PIAS1: variants seen among roughly 807,000 people sequenced by gnomAD.
The protein encoded by PIAS1 is protein inhibitor of activated STAT 1.
A neutral mutation model predicts 71.3 loss-of-function variants in PIAS1; 6 were observed. The observed-to-expected ratio is 0.08, with a 90% CI of 0.05 to 0.17. The LOEUF is 0.17. PIAS1 is among the 10% of genes least tolerant of loss of function. PIAS1 has a pLI of 1.00. For synonymous variants in PIAS1, 303 were observed against 292.9 expected, an observed-to-expected ratio of 1.03 and a Z score of -0.35; for missense variants, 555 against 793.6, an observed-to-expected ratio of 0.70 and a Z score of 3.61.
intron 8 of PIAS1, 40 bp downstream of exon 8, chr15:68,164,844 A>AGAAAGTT: frequency 9.4e-7 from 1 of 1,067,188 alleles, no homozygotes. Flanking sequence ...AAAGTTTAAC[A>AGAAAGTT]TACATTTTCT....
At chr15:68,129,838 C>T (rs2092677503) in intron 2 of PIAS1, among the ~76,000 whole-genome samples, 1 of 147,680 alleles carries the variant, frequency 6.8e-6, no homozygotes, top group African/African-American at 2.5e-5. Flanking sequence ...CACACACACT[C>T]TTACATAGAT....
chr15:68,187,199 T>C lies in PIAS1; in HGVS notation c.1663-343T>C, dbSNP rs578116808. ...CTGATAGATTTCTTGGCTAAGTATCTCCTTACTAGCAAGAGCATGGACTGT... is the reference window on the plus strand; with the variant it reads ...CTGATAGATTTCTTGGCTAAGTATCCCCTTACTAGCAAGAGCATGGACTGT... On this transcript the variant is annotated intron_variant, in intron 13 of 13. Coordinates refer to ENST00000249636, the MANE Select transcript of PIAS1 (RefSeq NM_016166.3). The surrounding 1 kb of genome is among the most constrained non-coding windows in gnomAD (Gnocchi z 5.3). 5.3e-5 allele frequency among the ~76,000 whole-genome samples: 8 copies of C among 152,352 alleles called. No individual in the cohort carries two copies. The highest frequency in any genetic ancestry group is 1.0e-4 in the Non-Finnish European group (7 of 68,032).
At chr15:68,144,741 T>C (rs964713847) in intron 4 of PIAS1, among the ~76,000 whole-genome samples, 4 of 152,150 alleles carry the variant, frequency 2.6e-5, no homozygotes, top group Non-Finnish European at 5.9e-5. Flanking sequence ...CAGTAAATCT[T>C]AACTTTTTTA....
intron 2 of PIAS1, among the ~76,000 whole-genome samples, chr15:68,138,497 G>A (rs1453972542): frequency 2.0e-5 from 3 of 152,074 alleles, no homozygotes; most frequent in Admixed American, 6.5e-5. Context: ...TGAATGAGAC[G>A]GAGTTTCACT....
chr15:68,117,969 A>G (rs1348538601), intron 2 of PIAS1, among the ~76,000 whole-genome samples: 2 of 152,192 alleles, frequency 1.3e-5, no homozygotes, highest in East Asian at 3.8e-4. Context: ...CATTCCCACC[A>G]TCATTATGTT....
At chr15:68,061,413 A>G (rs1156522362) in intron 1 of PIAS1, 2 of 152,216 alleles carry the variant, frequency 1.3e-5, no homozygotes, top group African/African-American at 4.8e-5. Flanking sequence ...TCACATGAAA[A>G]GAAAATTCCC....
intron 11 of PIAS1, among the ~76,000 whole-genome samples, chr15:68,177,302 G>GA (rs1202037201): frequency 7.6e-5 from 8 of 105,152 alleles, no homozygotes; most frequent in African/African-American, 1.2e-4. Flanking sequence ...AAAAAAGAAA[G>GA]AAAAAATTTG....
At chr15:68,108,558 A>G (rs745543924) in intron 2 of PIAS1, among the ~76,000 whole-genome samples, 8 of 152,136 alleles carry the variant, frequency 5.3e-5, no homozygotes, top group Non-Finnish European at 8.8e-5. Flanking sequence ...CCCTAAATTT[A>G]TATCTCAAGA....
intron 8 of PIAS1, among the ~76,000 whole-genome samples, chr15:68,165,450 G>T (rs958327862): frequency 2.6e-5 from 4 of 152,132 alleles, no homozygotes; most frequent in African/African-American, 9.7e-5. Context: ...GTACCTTTCT[G>T]AGTAAAAATC....
At chr15:68,091,102 CTTTG>C (rs1156726230) in intron 2 of PIAS1, among the ~76,000 whole-genome samples, 1 of 151,872 alleles carries the variant, frequency 6.6e-6, no homozygotes, top group African/African-American at 2.4e-5. Context: ...TTAAGGGGTA[CTTTG>C]TTTGAAATAC....
intron 2 of PIAS1, among the ~76,000 whole-genome samples, chr15:68,137,333 A>T (rs1016283814): frequency 3.3e-5 from 5 of 152,206 alleles, no homozygotes; most frequent in African/African-American, 4.8e-5. Context: ...GAGAGAATAC[A>T]GTAATTAAAA....
At chr15:68,150,380 T>TG (rs1221751000) in intron 6 of PIAS1, among the ~76,000 whole-genome samples, 1 of 152,168 alleles carries the variant, frequency 6.6e-6, no homozygotes, top group Admixed American at 6.5e-5. Flanking sequence ...GACATTTTTC[T>TG]GGGGAAGTAA....
intron 7 of PIAS1, among the ~76,000 whole-genome samples, chr15:68,162,595 A>G (rs1228424832): frequency 6.6e-6 from 1 of 152,196 alleles, no homozygotes; most frequent in Non-Finnish European, 1.5e-5. Flanking sequence ...AAGCTGGAGA[A>G]CCAGCGAAGC....
chr15:68,142,488 A>G, intron 4 of PIAS1, 151 bp downstream of exon 4: 1 of 560,828 alleles, frequency 1.8e-6, no homozygotes. Context: ...TGGAAAAAAA[A>G]TTTTAAGGAA....
In PIAS1 at chr15:68,178,443, C is replaced by T. The variant is rs1235038853; in HGVS notation, c.1481+1789C>T. Among the ~76,000 whole-genome samples the T allele has an allele frequency of 6.6e-6, 1 of 152,110 alleles. No individual in the cohort carries two copies. Among genetic ancestry groups the T allele is most frequent in the African/African-American group, 2.4e-5 (1 of 41,404 alleles). ...TTATGAACATGACCTCTGATAAAAG[C>T]CTATCTTGATGGCTATAACCCAGCA... On this transcript the variant is annotated intron_variant, in intron 11 of 13. Transcript: ENST00000249636. This position sits in a 1 kb window ranked among gnomAD's most constrained non-coding sequence, Gnocchi z 4.2.
At chr15:68,151,815 G>A (rs1313155763) in intron 6 of PIAS1, among the ~76,000 whole-genome samples, 1 of 151,366 alleles carries the variant, frequency 6.6e-6, no homozygotes, top group African/African-American at 2.4e-5. Flanking sequence ...AGCCGAGATT[G>A]CGCCACTGCA....
chr15:68,112,520 AAGT>A (rs2092530943), intron 2 of PIAS1, among the ~76,000 whole-genome samples: 1 of 152,160 alleles, frequency 6.6e-6, no homozygotes, highest in South Asian at 2.1e-4. Context: ...CACCAAAAAA[AAGT>A]AGTCATTTCC....
chr15:68,144,707 T>C (rs2092796105), intron 4 of PIAS1, among the ~76,000 whole-genome samples: 1 of 152,158 alleles, frequency 6.6e-6, no homozygotes, highest in African/African-American at 2.4e-5. Context: ...TTGCTAAGTA[T>C]ATTTCTAGAA....
chr15:68,147,251 T>A (rs376820300), intron 6 of PIAS1, among the ~76,000 whole-genome samples: 34 of 152,362 alleles, frequency 2.2e-4, no homozygotes, highest in African/African-American at 8.2e-4. Context: ...GTTATTTGCG[T>A]GCTCGTTAAC....
Sources: gnomAD v4.1 joint callset for allele counts (sites outside exome capture counted in the v4.1 genomes callset) on GRCh38, gnomAD v4.1.1 for gene constraint, Gnocchi (gnomAD v3.1) non-coding constraint, MANE v1.5 for transcripts, NCBI Gene and HGNC (gene_info 2026-07-23, HGNC 2026-07-21) for gene names.